Variants in SRGAP2C observed in about 807,000 individuals in gnomAD.
SRGAP2C encodes SLIT-ROBO Rho GTPase activating protein 2C.
A neutral mutation model predicts 25.1 loss-of-function variants in SRGAP2C; 15 were observed. The observed-to-expected ratio is 0.60, with a 90% CI of 0.40 to 0.92. SRGAP2C has a LOEUF of 0.92. SRGAP2C is among the 40% of genes least tolerant of loss of function. SRGAP2C has a pLI of 0.00. For synonymous variants in SRGAP2C, 44 were observed against 96.6 expected (o/e 0.46, Z 3.19); for missense variants, 144 against 264.4 (o/e 0.54, Z 3.16).
At chr1:121,192,353 G>A (rs370635792) in intron 2 of SRGAP2C, among the ~76,000 whole-genome samples, 2 of 152,106 alleles carry the variant, frequency 1.3e-5, no homozygotes, top group Non-Finnish European at 1.5e-5. Context: ...GATGATTGAG[G>A]GCTCCTGTCC....
chr1:121,327,091 G>A (rs1658330741), intron 4 of SRGAP2C, among the ~76,000 whole-genome samples: 1 of 149,728 alleles, frequency 6.7e-6, no homozygotes, highest in African/African-American at 2.5e-5. Flanking sequence ...TTCCCATGTA[G>A]GCAGAAAACT....
intron 4 of SRGAP2C, among the ~76,000 whole-genome samples, chr1:121,335,380 A>C (rs1233891081): frequency 7.0e-6 from 1 of 143,670 alleles, no homozygotes; most frequent in Admixed American, 7.0e-5. Flanking sequence ...ATAAATAAAT[A>C]AATAAATAAA....
At chr1:121,220,896 TA>T (rs1450051880) in intron 2 of SRGAP2C, among the ~76,000 whole-genome samples, 1 of 48,228 alleles carries the variant, frequency 2.1e-5, no homozygotes, top group African/African-American at 9.4e-5. Context: ...GCCTGGAAGT[TA>T]AAAGTTTTTT....
At chr1:121,237,692 C>T (rs1166070465) in intron 2 of SRGAP2C, among the ~76,000 whole-genome samples, 1 of 151,840 alleles carries the variant, frequency 6.6e-6, no homozygotes, top group Non-Finnish European at 1.5e-5. Context: ...CCGGGTTGCC[C>T]TCTTTTCATT....
chr1:121,293,562 G>A (rs1238327143), intron 3 of SRGAP2C, among the ~76,000 whole-genome samples: 16 of 151,964 alleles, frequency 1.1e-4, no homozygotes, highest in Non-Finnish European at 1.0e-4. Context: ...CAAGTGTGAG[G>A]ACAAGAATTA....
chr1:121,257,268 G>A (rs587596596), intron 2 of SRGAP2C, among the ~76,000 whole-genome samples: 38 of 145,418 alleles, frequency 2.6e-4, no homozygotes, highest in South Asian at 2.5e-3. Context: ...GGCACGCATC[G>A]CCATGCCCAG....
intron 2 of SRGAP2C, among the ~76,000 whole-genome samples, chr1:121,198,824 C>T (rs1435499963): frequency 1.3e-3 from 198 of 149,736 alleles, no homozygotes; most frequent in Middle Eastern, 0.01. Flanking sequence ...TACTTTGTTA[C>T]GCGTTGAGCT....
intron 4 of SRGAP2C, among the ~76,000 whole-genome samples, chr1:121,350,469 A>C (rs1258747204): frequency 6.6e-6 from 1 of 151,652 alleles, no homozygotes; most frequent in Admixed American, 6.6e-5. Context: ...AAGCTAAGAG[A>C]AACAGCTAGA....
intron 3 of SRGAP2C, among the ~76,000 whole-genome samples, chr1:121,305,233 G>C (rs1406137131): frequency 6.6e-6 from 1 of 151,770 alleles, no homozygotes; most frequent in African/African-American, 2.4e-5. Context: ...CATCTGCTCA[G>C]CTGTAGGCCA....
rs1198740268 is a variant in SRGAP2C at position 121,315,655 on chromosome 1, G to A, written c.261-8823G>A. Among the ~76,000 whole-genome samples, 9 of 145,090 alleles carry A rather than the reference G, an allele frequency of 6.2e-5. No homozygotes were observed. In the East Asian group the frequency reaches 1.2e-3, roughly 20 times the overall value. ...GACATACAAATTTGGTCATTCAGTAGCCACCCAGAGAGTGAGCACAGATAC... is the reference window on the plus strand; with the variant it reads ...GACATACAAATTTGGTCATTCAGTAACCACCCAGAGAGTGAGCACAGATAC... On this transcript the variant is annotated intron_variant, in intron 3 of 9. Transcript: ENST00000367123.
chr1:121,212,457 T>A (rs1446307768), intron 2 of SRGAP2C, among the ~76,000 whole-genome samples: 1 of 151,932 alleles, frequency 6.6e-6, no homozygotes, highest in Admixed American at 6.6e-5. Context: ...TGTATGGACT[T>A]AAAAGGAGCA....
Position 121,279,478 on chromosome 1 carries a change from G to A in SRGAP2C, c.68-5325G>A, listed in dbSNP as rs1189543767. Among the ~76,000 whole-genome samples, 3 of 150,750 alleles carry A rather than the reference G, an allele frequency of 2.0e-5. No homozygotes were observed. The East Asian group carries it at 5.9e-4, about 30-fold the overall frequency. Reference sequence around the variant, plus strand: ...GCATTGGCAGGTGTTGTAATTTGGAGTCTACATGATTGTCAGTGTGGCAGG... The same window carrying A: ...GCATTGGCAGGTGTTGTAATTTGGAATCTACATGATTGTCAGTGTGGCAGG... On this transcript the variant is annotated intron_variant, in intron 2 of 9. Transcript: ENST00000367123.
chr1:121,265,788 T>C (rs1158743829), intron 2 of SRGAP2C, among the ~76,000 whole-genome samples: 1 of 151,952 alleles, frequency 6.6e-6, no homozygotes, highest in Non-Finnish European at 1.5e-5. Flanking sequence ...TATCTCTATA[T>C]CTTATGTCTT....
At chr1:121,298,267 C>A (rs1657638579) in intron 3 of SRGAP2C, among the ~76,000 whole-genome samples, 1 of 151,984 alleles carries the variant, frequency 6.6e-6, no homozygotes, top group Non-Finnish European at 1.5e-5. Context: ...AAGAGGAAGA[C>A]ATTTGTCATA....
rs1452559639 is a variant in SRGAP2C, at chr1:121,254,062, G to A, written c.68-30741G>A. Among the ~76,000 whole-genome samples, 28 of 149,864 alleles carry A rather than the reference G, an allele frequency of 1.9e-4. 1 individual carries two copies. The highest frequency in any genetic ancestry group is 4.2e-4 in the South Asian group (2 of 4,722). ...TGAGTAGCTGGGACTGCAGGCATGCGCCACCATGCCCAGCTAATTTTTGCA... is the reference window on the plus strand; with the variant it reads ...TGAGTAGCTGGGACTGCAGGCATGCACCACCATGCCCAGCTAATTTTTGCA... On this transcript the variant is annotated intron_variant, in intron 2 of 9. Transcript: ENST00000367123.
At chr1:121,265,777 T>G (rs1331599432) in intron 2 of SRGAP2C, among the ~76,000 whole-genome samples, 4 of 151,908 alleles carry the variant, frequency 2.6e-5, no homozygotes, top group Non-Finnish European at 5.9e-5. Context: ...TTGGATATGT[T>G]TATCTCTATA....
intron 3 of SRGAP2C, among the ~76,000 whole-genome samples, chr1:121,313,578 C>T (rs1344413488): frequency 2.2e-5 from 3 of 136,344 alleles, no homozygotes; most frequent in African/African-American, 8.6e-5. Context: ...TGTTCCTTTC[C>T]ATGTTTAGCA....
intron 2 of SRGAP2C, among the ~76,000 whole-genome samples, chr1:121,201,898 G>T (rs1365902478): frequency 1.3e-5 from 2 of 152,112 alleles, no homozygotes; most frequent in Non-Finnish European, 2.9e-5. Flanking sequence ...TCAGGGCATG[G>T]GAACCCCCTC....
At chr1:121,308,935 G>T in intron 3 of SRGAP2C, among the ~76,000 whole-genome samples, 1 of 30,682 alleles carries the variant, frequency 3.3e-5, no homozygotes, top group Non-Finnish European at 6.2e-5. Flanking sequence ...GTGAAACTCT[G>T]TCTCAAAAAA....
Sources: gnomAD v4.1 joint callset for allele counts (sites outside exome capture counted in the v4.1 genomes callset) on GRCh38, gnomAD v4.1.1 for gene constraint, MANE v1.5 for transcripts, NCBI Gene and HGNC (gene_info 2026-07-23, HGNC 2026-07-21) for gene names.